The following PGM5 variants were observed in gnomAD, a reference collection of about 807,000 sequenced individuals.
PGM5 encodes phosphoglucomutase-like protein 5.
Under a neutral mutation model 59.2 loss-of-function variants are expected in PGM5, and 23 were observed. The ratio of observed to expected loss-of-function variants is 0.39; its 90% CI spans 0.28 to 0.55. The LOEUF (loss-of-function observed/expected upper bound fraction) is 0.55, where lower values mean the gene tolerates loss of function less well. Among genes scored for constraint, PGM5 ranks in the 20% least tolerant of loss-of-function variants. The pLI, the probability that PGM5 is intolerant of heterozygous loss-of-function variation, is 0.66. For synonymous variants in PGM5, 214 were observed against 286.0 expected (o/e 0.75, Z 2.54); for missense variants, 574 against 748.3 (o/e 0.77, Z 2.72).
chr9:68,357,410 G>C (rs1372604916), intron 1 of PGM5, 22 bp downstream of exon 1: 2 of 1,548,422 alleles, frequency 1.3e-6, no homozygotes, highest in African/African-American at 2.7e-5. Flanking sequence ...GATGCCCCTC[G>C]CTTCCCGCCG....
At chr9:68,509,558 T>C (rs1824711840) in intron 10 of PGM5, among the ~76,000 whole-genome samples, 1 of 152,108 alleles carries the variant, frequency 6.6e-6, no homozygotes, top group Non-Finnish European at 1.5e-5. Context: ...AGATAGTTTG[T>C]TACTCACAGT....
chr9:68,442,921 C>T (rs1554683779), intron 6 of PGM5, among the ~76,000 whole-genome samples: 1 of 152,132 alleles, frequency 6.6e-6, no homozygotes, highest in Non-Finnish European at 1.5e-5. Flanking sequence ...GATGAGGATG[C>T]ATATCATCTA....
intron 1 of PGM5, among the ~76,000 whole-genome samples, chr9:68,375,388 C>T (rs1299884178): frequency 6.6e-6 from 1 of 152,218 alleles, no homozygotes; most frequent in Non-Finnish European, 1.5e-5. Context: ...ATATTCTGTT[C>T]ATCCTCCTTC....
At chr9:68,458,654 TG>T (rs1211859330) in intron 6 of PGM5, among the ~76,000 whole-genome samples, 1 of 152,146 alleles carries the variant, frequency 6.6e-6, no homozygotes, top group Non-Finnish European at 1.5e-5. Context: ...ATGTGGATTT[TG>T]AAGTTTAGAC....
intron 6 of PGM5, among the ~76,000 whole-genome samples, chr9:68,403,771 G>C (rs1210651551): frequency 6.6e-6 from 1 of 152,144 alleles, no homozygotes; most frequent in East Asian, 1.9e-4. Flanking sequence ...CGTGTGGGTT[G>C]GTGTGGGGGT....
chr9:68,416,674 G>A (rs1180921485), intron 6 of PGM5, among the ~76,000 whole-genome samples: 16 of 152,206 alleles, frequency 1.1e-4, no homozygotes, highest in Admixed American at 1.0e-3. Flanking sequence ...AATTATTTGT[G>A]CCTCACTTAT....
rs1020982570 is a variant in PGM5, at chr9:68,433,877, A to G, written c.1044-31216A>G. On this transcript the variant is annotated intron_variant, in intron 6 of 10. Transcript: ENST00000396396. ...CTTTTTGAAGGCTCAGGGCCAAAAG[A>G]AAAGGAAAGTAGAATGATAGGGATT... 2.6e-5 allele frequency among the ~76,000 whole-genome samples: 4 copies of G among 152,372 alleles called. No individual in the cohort carries two copies. The East Asian group carries it at 7.7e-4, about 29-fold the overall frequency.
chr9:68,441,354 T>C (rs1456704443), intron 6 of PGM5, among the ~76,000 whole-genome samples: 4 of 152,064 alleles, frequency 2.6e-5, no homozygotes, highest in Non-Finnish European at 5.9e-5. Context: ...TAAACTGATA[T>C]TCCATAAATA....
rs545469393 is a variant in PGM5 at position 68,506,485 on chromosome 9, G to A, written c.1614+7124G>A. On this transcript the variant is annotated intron_variant, in intron 10 of 10. Coordinates refer to ENST00000396396, the MANE Select transcript of PGM5 (RefSeq NM_021965.4). ...TCAGTTAAACTCTTAAGTTTAATTT[G>A]TTTAAGGTTTTTCCTTTAACAACAG... 5.3e-4 allele frequency among the ~76,000 whole-genome samples: 81 copies of A among 152,264 alleles called. 1 individual carries two copies. Among genetic ancestry groups the A allele is most frequent in the Non-Finnish European group, 2.5e-4 (17 of 68,026 alleles).
chr9:68,375,940 A>G (rs561846209), intron 1 of PGM5, among the ~76,000 whole-genome samples: 67 of 152,166 alleles, frequency 4.4e-4, no homozygotes, highest in Non-Finnish European at 5.4e-4. Context: ...AGGCCGGATC[A>G]TGTTTGGTAT....
chr9:68,366,449 G>A (rs565201239), intron 1 of PGM5, among the ~76,000 whole-genome samples: 32 of 152,294 alleles, frequency 2.1e-4, no homozygotes, highest in African/African-American at 6.0e-4. Context: ...TGTGTGTAAC[G>A]TAATCCTGCT....
intron 1 of PGM5, among the ~76,000 whole-genome samples, chr9:68,368,799 T>C (rs189932793): frequency 1.3e-5 from 2 of 152,294 alleles, no homozygotes; most frequent in East Asian, 1.9e-4. Context: ...CACGCCACCA[T>C]GGCCAGCTAA....
intron 1 of PGM5, among the ~76,000 whole-genome samples, chr9:68,360,851 A>T (rs1186740998): frequency 1.3e-5 from 2 of 152,234 alleles, no homozygotes; most frequent in Non-Finnish European, 2.9e-5. Context: ...TTTTCAAACA[A>T]AATAAAAAAT....
intron 6 of PGM5, among the ~76,000 whole-genome samples, chr9:68,456,671 CTGG>C (rs1823784551): frequency 7.2e-6 from 1 of 139,236 alleles, no homozygotes; most frequent in Admixed American, 7.7e-5. Flanking sequence ...GTCACCCAGG[CTGG>C]AGTACAATGG....
chr9:68,426,304 C>T (rs1823236832), intron 6 of PGM5, among the ~76,000 whole-genome samples: 2 of 151,482 alleles, frequency 1.3e-5, no homozygotes, highest in South Asian at 2.1e-4. Context: ...TGCCTATTTT[C>T]CAGGATTATT....
At chr9:68,500,569 G>A (rs1824556254) in intron 10 of PGM5, among the ~76,000 whole-genome samples, 1 of 152,088 alleles carries the variant, frequency 6.6e-6, no homozygotes. Context: ...GCAGGGGATG[G>A]GACACACTCT....
chr9:68,408,538 G>C (rs1480113065), intron 6 of PGM5, among the ~76,000 whole-genome samples: 5 of 152,310 alleles, frequency 3.3e-5, no homozygotes, highest in South Asian at 2.1e-4. Flanking sequence ...TGTTCACTCT[G>C]ATGGTAGTTT....
chr9:68,377,682 T>A (rs1821957098), intron 1 of PGM5, among the ~76,000 whole-genome samples: 1 of 152,264 alleles, frequency 6.6e-6, no homozygotes, highest in African/African-American at 2.4e-5. Context: ...AGAGAATTCC[T>A]ACTTTCAGGA....
intron 10 of PGM5, among the ~76,000 whole-genome samples, chr9:68,504,873 T>G (rs920380958): frequency 1.4e-4 from 22 of 152,200 alleles, no homozygotes; most frequent in Non-Finnish European, 2.2e-4. Context: ...TGACCATTAA[T>G]TACTTTGGAA....
Sources: allele counts gnomAD v4.1 joint callset (sites outside exome capture counted in the v4.1 genomes callset), GRCh38; gene constraint gnomAD v4.1.1; transcripts MANE v1.5; gene names NCBI Gene and HGNC (gene_info 2026-07-23, HGNC 2026-07-21).